The following IL19 variants were observed in gnomAD, a reference collection of about 807,000 sequenced individuals.
IL19 encodes the protein interleukin 19, also known as interleukin-19.
IL19 carries 15 observed loss-of-function variants against 19.5 expected under a neutral mutation model. The ratio of observed to expected loss-of-function variants is 0.77; its 90% confidence interval spans 0.52 to 1.19. IL19 has a LOEUF of 1.19. Among genes scored for constraint, IL19 ranks in the 50% most tolerant of loss-of-function variants. IL19 has a pLI of 0.00. For synonymous variants in IL19, 78 were observed against 78.3 expected (o/e 1.00, Z 0.02); for missense variants, 199 against 213.1 (o/e 0.93, Z 0.41).
At chr1:206,772,572 G>A (rs1377834691) in intron 1 of IL19, 2 of 792,016 alleles carry the variant, frequency 2.5e-6, no homozygotes, top group Admixed American at 4.4e-5. Flanking sequence ...CCACAATCAA[G>A]GTTTCCCGGC....
chr1:206,800,114 G>C (rs1216640087), intron 2 of IL19, among the ~76,000 whole-genome samples: 1 of 152,158 alleles, frequency 6.6e-6, no homozygotes, highest in Non-Finnish European at 1.5e-5. Flanking sequence ...GAATTGTCCA[G>C]GCTTGATTAA....
chr1:206,839,233 C>T (rs1676915014), intron 4 of IL19, among the ~76,000 whole-genome samples: 1 of 152,224 alleles, frequency 6.6e-6, no homozygotes, highest in Non-Finnish European at 1.5e-5. Flanking sequence ...CTGCAGCTGT[C>T]GGTCTCTCTT....
intron 2 of IL19, among the ~76,000 whole-genome samples, chr1:206,822,009 G>A (rs368817977): frequency 7.2e-5 from 11 of 152,270 alleles, no homozygotes; most frequent in African/African-American, 2.2e-4. Flanking sequence ...CGTCATGTCC[G>A]TGCCCCACCG....
chr1:206,804,143 G>A (rs1021820560), intron 2 of IL19, among the ~76,000 whole-genome samples: 6 of 152,160 alleles, frequency 3.9e-5, no homozygotes, highest in African/African-American at 1.4e-4. Flanking sequence ...TAAATTCCAG[G>A]AGGGCTTCAG....
intron 2 of IL19, among the ~76,000 whole-genome samples, chr1:206,825,359 G>A (rs1047079988): frequency 6.6e-6 from 1 of 152,244 alleles, no homozygotes; most frequent in Non-Finnish European, 1.5e-5. Flanking sequence ...CAAAATGATT[G>A]AATTGCCTTT....
At chr1:206,794,896 C>T (rs1675485595) in intron 1 of IL19, among the ~76,000 whole-genome samples, 1 of 152,166 alleles carries the variant, frequency 6.6e-6, no homozygotes, top group Non-Finnish European at 1.5e-5. Context: ...GGCAAAAGTG[C>T]TGTGGGATGG....
At chr1:206,841,715 G>A (rs1007837003) in intron 6 of IL19, among the ~76,000 whole-genome samples, 1 of 152,220 alleles carries the variant, frequency 6.6e-6, no homozygotes, top group African/African-American at 2.4e-5. Context: ...TTTGTGGAGA[G>A]ACTCTGTAAG....
chr1:206,813,909 A>G (rs970620889), intron 2 of IL19, among the ~76,000 whole-genome samples: 3 of 152,228 alleles, frequency 2.0e-5, no homozygotes, highest in African/African-American at 7.2e-5. Flanking sequence ...TTCCTGGAGG[A>G]AGAAGAAATT....
intron 2 of IL19, among the ~76,000 whole-genome samples, chr1:206,812,964 A>T (rs1004345714): frequency 1.3e-4 from 20 of 152,198 alleles, no homozygotes; most frequent in African/African-American, 4.8e-4. Flanking sequence ...ATGACTTGAG[A>T]CTTTATAATC....
chr1:206,823,308 C>T (rs1043005600), intron 2 of IL19, among the ~76,000 whole-genome samples: 34 of 151,980 alleles, frequency 2.2e-4, no homozygotes, highest in African/African-American at 7.5e-4. Context: ...AATCCCAGCA[C>T]TTTGGGAGGC....
rs942088805 is a variant in IL19, at chr1:206,801,942, A to C, written c.-3+2936A>C. ...AGCTTTGGGAAGAACTCCAGTGAGC[A>C]GAAAAAGGGAAGGGACATTTGGGTG... is the stretch of plus-strand genomic sequence containing the variant. On this transcript the variant is annotated intron_variant, in intron 2 of 6. Transcript: ENST00000659997. 2.9e-4 allele frequency among the ~76,000 whole-genome samples: 44 copies of C among 152,230 alleles called. 1 individual carries two copies. The highest frequency in any genetic ancestry group is 1.0e-4 in the Non-Finnish European group (7 of 68,048).
Position 206,818,282 on chromosome 1 carries a change from A to C in IL19, c.-2-18379A>C, listed in dbSNP as rs185376165. Among the ~76,000 whole-genome samples the C allele has an allele frequency of 3.6e-3, 548 of 152,356 alleles. 2 individuals are homozygous for C. The highest frequency in any genetic ancestry group is 5.8e-3 in the Non-Finnish European group (392 of 68,034). On this transcript the variant is annotated intron_variant, in intron 2 of 6. Transcript: ENST00000659997. ...CCATATTCTGGGCCGATAAACTGGA[A>C]GTAGCTCAAATGTCCATCAGAAGGA...
At chr1:206,800,324 G>A (rs1296762106) in intron 2 of IL19, among the ~76,000 whole-genome samples, 4 of 152,208 alleles carry the variant, frequency 2.6e-5, no homozygotes, top group Non-Finnish European at 5.9e-5. Context: ...CTCCAGCATT[G>A]CCCTGGAGGA....
At chr1:206,831,340 C>T (rs1240648034) in intron 2 of IL19, among the ~76,000 whole-genome samples, 2 of 152,180 alleles carry the variant, frequency 1.3e-5, no homozygotes, top group Non-Finnish European at 2.9e-5. Context: ...AAATTGAGCT[C>T]TGATATCTCA....
intron 1 of IL19, among the ~76,000 whole-genome samples, chr1:206,785,661 A>T (rs567717549): frequency 6.6e-6 from 1 of 152,212 alleles, no homozygotes. Flanking sequence ...GCAGAGTGTG[A>T]CAGAAGTTGA....
At chr1:206,828,656 TATTG>T (rs1676503166) in intron 2 of IL19, among the ~76,000 whole-genome samples, 1 of 152,176 alleles carries the variant, frequency 6.6e-6, no homozygotes, top group South Asian at 2.1e-4. Flanking sequence ...TAAAAAAAAG[TATTG>T]ACATAGAAGA....
At chr1:206,775,944 G>A (rs888036519) in intron 1 of IL19, among the ~76,000 whole-genome samples, 2 of 152,216 alleles carry the variant, frequency 1.3e-5, no homozygotes, top group Non-Finnish European at 2.9e-5. Flanking sequence ...AGGCCAAAAG[G>A]CCTGAGTCCA....
At chr1:206,831,143 T>C (rs1558621210) in intron 2 of IL19, among the ~76,000 whole-genome samples, 1 of 152,204 alleles carries the variant, frequency 6.6e-6, no homozygotes, top group Admixed American at 6.5e-5. Flanking sequence ...TCCACTCTTT[T>C]AAGGGAAGGA....
chr1:206,797,973 G>T (rs113357741), intron 1 of IL19, among the ~76,000 whole-genome samples: 8 of 152,192 alleles, frequency 5.3e-5, no homozygotes, highest in Non-Finnish European at 1.0e-4. Context: ...TGGCAGAGCC[G>T]TGACTCACAG....
Sources: gnomAD v4.1 joint callset for allele counts (sites outside exome capture counted in the v4.1 genomes callset) on GRCh38, gnomAD v4.1.1 for gene constraint, MANE v1.5 for transcripts, NCBI Gene and HGNC (gene_info 2026-07-23, HGNC 2026-07-21) for gene names.